NPR1: variants seen among roughly 807,000 people sequenced by gnomAD.
NPR1 encodes the protein atrial natriuretic peptide receptor 1.
In NPR1, 57 loss-of-function variants were observed where a neutral mutation model predicts 116.9. That is an observed-to-expected ratio of 0.49 (90% CI 0.39 to 0.61). The LOEUF (loss-of-function observed/expected upper bound fraction) is 0.61. Among genes scored for constraint, NPR1 ranks in the 20% least tolerant of loss-of-function variants. NPR1 has a pLI of 0.00. For synonymous variants in NPR1, 555 were observed against 601.6 expected, an observed-to-expected ratio of 0.92 and a Z score of 1.13; for missense variants, 1,096 against 1,409.8, an observed-to-expected ratio of 0.78 and a Z score of 3.56.
chr1:153,681,661 C>T (rs1257633843), intron 3 of NPR1, 43 bp from the exon 4 acceptor site: 1 of 1,601,660 alleles, frequency 6.2e-7, no homozygotes, highest in East Asian at 2.2e-5. Context: ...ACCTCCATGC[C>T]CTTCATATGC....
rs1321523859 is a variant in NPR1, at chr1:153,679,336, G to GACGGTCCGC, written c.234_242dup (p.Arg79_Val81dup). 6.5e-7 allele frequency: 1 copy of GACGGTCCGC among 1,536,640 alleles called. No individual in the cohort carries two copies. The highest frequency in any genetic ancestry group is 2.0e-5 in the Admixed American group (1 of 51,248). On this transcript the variant is annotated inframe_insertion, in exon 1 of 22. Transcript: ENST00000368680. The surrounding 1 kb of genome is among the most constrained non-coding windows in gnomAD (Gnocchi z 4.2). ...CGCGCCCCGACTTGCTGCCGGGCTGGACGGTCCGCACGGTGCTGGGCAGCA... is the reference window on the plus strand; with the variant it reads ...CGCGCCCCGACTTGCTGCCGGGCTGGACGGTCCGCACGGTCCGCACGGTGCTGGGCAGCA...
intron 3 of NPR1, 118 bp from the exon 4 acceptor site, chr1:153,681,586 G>T: frequency 9.6e-7 from 1 of 1,036,936 alleles, no homozygotes; most frequent in Non-Finnish European, 1.4e-6. Flanking sequence ...GTGATATAGG[G>T]GTGTTATTTT....
Position 153,693,502 on chromosome 1 carries a change from C to T in NPR1, c.*88C>T, listed in dbSNP as rs903227865. 8 of 1,209,404 alleles carry T rather than the reference C, an allele frequency of 6.6e-6. No homozygotes were observed. The African/African-American group carries it at 1.2e-4, about 18-fold the overall frequency. The allele number at this position is 1,209,404 out of a possible 1,614,324, so 74.9% of individuals were successfully genotyped here. A position where few individuals can be genotyped will look rare whatever the true frequency, so the allele number is the denominator to read the frequency against. ...GGCCTCAGCCTCACCCACAGCAGCC[C>T]CATCGCCAAAGGATGGAAGTAATTT... On this transcript the variant is annotated 3_prime_UTR_variant, in exon 22 of 22. Coordinates refer to ENST00000368680, the MANE Select transcript of NPR1 (RefSeq NM_000906.4).
In NPR1 at chr1:153,688,133, G is replaced by A; in HGVS notation, c.2329G>A (p.Gly777Arg). ...CCTGCAGAGTCACCTGGAGGAGTTG[G>A]GGCTGCTCATGCAGCGGTGCTGGGC... Reference protein sequence around the residue: ...LALQSHLEELGLLMQRCWAED... With the variant: ...LALQSHLEELRLLMQRCWAED... The change falls in exon 15 of 22, where the codon GGG (glycine) becomes AGG (arginine). Residue 777 changes from glycine to arginine, a missense_variant. Transcript: ENST00000368680. 6.2e-7 allele frequency: 1 copy of A among 1,613,774 alleles called. No individual in the cohort carries two copies. Among genetic ancestry groups the A allele is most frequent in the African/African-American group, 1.3e-5 (1 of 74,962 alleles).
At position 153,689,754 on chromosome 1, in the gene NPR1, C is replaced by T. The variant is rs926988784; in HGVS notation, c.2758-52C>T. On this transcript the variant is annotated intron_variant, in intron 18 of 21. Coordinates refer to ENST00000368680, the MANE Select transcript of NPR1 (RefSeq NM_000906.4). The surrounding 1 kb of genome is among the most constrained non-coding windows in gnomAD (Gnocchi z 5.1). ...GCTGCACCCGGTGTGACGGTGTGGC[C>T]GGCCGCACAGTTGCAGCCGTCAAGT... is the stretch of plus-strand genomic sequence containing the variant. 53 of 1,470,408 alleles carry T rather than the reference C, an allele frequency of 3.6e-5. No homozygotes were observed. Among genetic ancestry groups the T allele is most frequent in the African/African-American group, 9.8e-5 (7 of 71,286 alleles). 91.1% of individuals were successfully genotyped at this position (1,470,408 alleles called of 1,614,324 possible). A position where few individuals can be genotyped will look rare whatever the true frequency, so the allele number is the denominator to read the frequency against.
intron 9 of NPR1, 92 bp from the exon 10 acceptor site, chr1:153,686,031 C>G: frequency 6.9e-7 from 1 of 1,444,950 alleles, no homozygotes; most frequent in South Asian, 1.2e-5. Context: ...AAGTGAGGGT[C>G]CTGAGGGCAG....
At position 153,685,789 on chromosome 1, in the gene NPR1, G is replaced by T; in HGVS notation, c.1606-17G>T. Reference sequence around the variant, plus strand: ...GGCCCACCGGCTGACCATTCCTCCTGCTCTCCCTCCTTTCAGAGAGGCTCC... The same window carrying T: ...GGCCCACCGGCTGACCATTCCTCCTTCTCTCCCTCCTTTCAGAGAGGCTCC... On this transcript the variant is annotated splice_polypyrimidine_tract_variant and intron_variant, in intron 8 of 21. Transcript: ENST00000368680. The T allele has an allele frequency of 6.2e-7, 1 of 1,610,824 alleles. No individual in the cohort carries two copies. The highest frequency in any genetic ancestry group is 2.2e-5 in the East Asian group (1 of 44,872).
In NPR1 at chr1:153,679,566, C is replaced by A; in HGVS notation, c.458C>A (p.Ala153Glu). 1 of 1,556,960 alleles carries A rather than the reference C, an allele frequency of 6.4e-7. No homozygotes were observed. The change falls in exon 1 of 22, where the codon GCG (alanine) becomes GAG (glutamate). Residue 153 changes from alanine to glutamate, a missense_variant. Physicochemically the swap from Ala to Glu is moderately radical, Grantham distance 107. Transcript: ENST00000368680. The surrounding 1 kb of genome is among the most constrained non-coding windows in gnomAD (Gnocchi z 4.2). ...ALGFGVKDEY[A>E]LTTRAGPSYA... ...GGCTTCGGTGTCAAGGACGAGTATGCGCTGACCACCCGCGCGGGGCCCAGC... is the reference window on the plus strand; with the variant it reads ...GGCTTCGGTGTCAAGGACGAGTATGAGCTGACCACCCGCGCGGGGCCCAGC...
In NPR1 at chr1:153,689,396, C is replaced by G; in HGVS notation, c.2689-57C>G. On this transcript the variant is annotated intron_variant, in intron 17 of 21. Transcript: ENST00000368680. This position sits in a 1 kb window ranked among gnomAD's most constrained non-coding sequence, Gnocchi z 5.1. ...TGCCTTCTGGTTCTGCTTTACCCAC[C>G]TGACCCCAGGTGGGGTCCCCTACTT... 6.2e-7 allele frequency: 1 copy of G among 1,613,404 alleles called. No individual in the cohort carries two copies. Among genetic ancestry groups the G allele is most frequent in the South Asian group, 1.1e-5 (1 of 91,080 alleles).
chr1:153,681,902 C>G, intron 4 of NPR1, 63 bp downstream of exon 4: 1 of 1,582,146 alleles, frequency 6.3e-7, no homozygotes. Flanking sequence ...TGCCCAGTGT[C>G]AAGCCATGAG....
At chr1:153,682,437 A>G in intron 4 of NPR1, 61 bp from the exon 5 acceptor site, 1 of 1,211,122 alleles carries the variant, frequency 8.3e-7, no homozygotes, top group South Asian at 1.2e-5. Flanking sequence ...TGAAGAGATG[A>G]AGTGGGGCAC....
rs1241837520 is a variant in NPR1, at chr1:153,693,950, C to CTTCT, written c.*537_*540dup. 1 of 396,742 alleles carries CTTCT rather than the reference C, an allele frequency of 2.5e-6. No individual in the cohort carries two copies. Among genetic ancestry groups the CTTCT allele is most frequent in the Non-Finnish European group, 4.4e-6 (1 of 225,548 alleles). 24.6% of individuals were successfully genotyped at this position (396,742 alleles called of 1,614,324 possible). A position where few individuals can be genotyped will look rare whatever the true frequency, so the allele number is the denominator to read the frequency against. On this transcript the variant is annotated 3_prime_UTR_variant, in exon 22 of 22. Coordinates refer to ENST00000368680, the MANE Select transcript of NPR1 (RefSeq NM_000906.4). ...AAGGGTTGGGGGCCTGTATGCCTTGCTTCTACCATGAGCAGAGACAATTAA... is the reference window on the plus strand; with the variant it reads ...AAGGGTTGGGGGCCTGTATGCCTTGCTTCTTTCTACCATGAGCAGAGACAATTAA...
intron 13 of NPR1, 35 bp from the exon 14 acceptor site, chr1:153,687,599 C>G: frequency 1.3e-6 from 2 of 1,548,218 alleles, no homozygotes; most frequent in Non-Finnish European, 1.7e-6. Context: ...GCTTTGGGCT[C>G]CCTCACTCGG....
chr1:153,685,111 G>C (rs1357173195), intron 8 of NPR1, 27 bp downstream of exon 8: 1 of 1,611,854 alleles, frequency 6.2e-7, no homozygotes, highest in Non-Finnish European at 8.5e-7. Flanking sequence ...TTGTGTTGGG[G>C]GGCAATAAAG....
At position 153,689,629 on chromosome 1, in the gene NPR1, C is replaced by A; in HGVS notation, c.2757+108C>A. ...GAGTCTTAAGAGAGGAGATCGGGGA[C>A]ACGGGCAGAGACAGTGACACAGGGA... On this transcript the variant is annotated intron_variant, in intron 18 of 21. Transcript: ENST00000368680. The surrounding 1 kb of genome is among the most constrained non-coding windows in gnomAD (Gnocchi z 5.1). 7.8e-7 allele frequency: 1 copy of A among 1,280,918 alleles called. No individual in the cohort carries two copies. The highest frequency in any genetic ancestry group is 1.1e-6 in the Non-Finnish European group (1 of 895,682). The allele number at this position is 1,280,918 out of a possible 1,614,324, so 79.3% of individuals were successfully genotyped here. A position where few individuals can be genotyped will look rare whatever the true frequency, so the allele number is the denominator to read the frequency against.
Position 153,687,036 on chromosome 1 carries a change from C to T in NPR1, c.1884C>T (p.Ser628=). 1.2e-6 allele frequency: 2 copies of T among 1,614,158 alleles called. No homozygotes were observed. The highest frequency in any genetic ancestry group is 1.7e-6 in the Non-Finnish European group (2 of 1,180,006). The change falls in exon 12 of 22, where the codon AGC becomes AGT. Residue 628 remains serine, a synonymous_variant. Transcript: ENST00000368680. ...AGCAGGACATTCTGGAGAATGAGAG[C>T]ATCACCCTGGACTGGATGTTCCGGT... ...GSLQDILENE[S]ITLDWMFRYS...
rs1475115811 is a variant in NPR1, at chr1:153,689,032, G to C, written c.2497G>C (p.Glu833Gln). The change falls in exon 16 of 22, where the codon GAG becomes CAG. Residue 833 changes from glutamate to glutamine, a missense_variant. Glu to Gln is a conservative substitution (Grantham distance 29). Coordinates refer to ENST00000368680, the MANE Select transcript of NPR1 (RefSeq NM_000906.4). The surrounding 1 kb of genome is among the most constrained non-coding windows in gnomAD (Gnocchi z 5.1). ...YANNLEELVE[E>Q]RTQAYLEEKR... ...GAACAATCTGGAGGAACTGGTGGAG[G>C]AGCGGACCCAGGCATACCTGGAGGA... is the stretch of plus-strand genomic sequence containing the variant. 1 of 1,614,246 alleles carries C rather than the reference G, an allele frequency of 6.2e-7. No homozygotes were observed. The highest frequency in any genetic ancestry group is 1.1e-5 in the South Asian group (1 of 91,088).
At position 153,678,699 on chromosome 1, in the gene NPR1, G is replaced by A. The variant is rs1316511476; in HGVS notation, c.-410G>A. On this transcript the variant is annotated 5_prime_UTR_variant, in exon 1 of 22. Coordinates refer to ENST00000368680, the MANE Select transcript of NPR1 (RefSeq NM_000906.4). This position sits in a 1 kb window ranked among gnomAD's most constrained non-coding sequence, Gnocchi z 5.8. Reference sequence around the variant, plus strand: ...ACGCCCCTTCTGGCACACTCCCTGGGGCAGGCGCTCACGCACGCTACAAAC... The same window carrying A: ...ACGCCCCTTCTGGCACACTCCCTGGAGCAGGCGCTCACGCACGCTACAAAC... 1.1e-5 allele frequency: 2 copies of A among 186,992 alleles called. No homozygotes were observed. The highest frequency in any genetic ancestry group is 2.2e-5 in the Non-Finnish European group (2 of 91,710). 11.6% of individuals were successfully genotyped at this position (186,992 alleles called of 1,614,324 possible).
chr1:153,686,438 G>A (rs1181146954), intron 10 of NPR1, among the ~76,000 whole-genome samples: 2 of 151,460 alleles, frequency 1.3e-5, no homozygotes, highest in Non-Finnish European at 2.9e-5. Context: ...GTCCCTGGGG[G>A]AGAGAGGGCT....
Sources: allele counts gnomAD v4.1 joint callset (sites outside exome capture counted in the v4.1 genomes callset), GRCh38; gene constraint gnomAD v4.1.1; non-coding constraint Gnocchi (gnomAD v3.1); transcripts MANE v1.5; gene names NCBI Gene and HGNC (gene_info 2026-07-23, HGNC 2026-07-21).